The following TMX3 variants were observed in gnomAD, a reference collection of about 807,000 sequenced individuals.
The protein encoded by TMX3 is thioredoxin related transmembrane protein 3.
In TMX3, 40 loss-of-function variants were observed where a neutral mutation model predicts 64.4. The observed-to-expected ratio is 0.62, with a 90% CI of 0.48 to 0.81. The LOEUF (loss-of-function observed/expected upper bound fraction) is 0.81. TMX3 is among the 30% of genes least tolerant of loss of function. The pLI is 0.00. For missense variants in TMX3, 497 were observed against 534.5 expected, an observed-to-expected ratio of 0.93 and a Z score of 0.69; for synonymous variants, 189 against 175.7, an observed-to-expected ratio of 1.08 and a Z score of -0.60.
At chr18:68,705,044 C>T (rs545432897) in intron 4 of TMX3, among the ~76,000 whole-genome samples, 3 of 152,206 alleles carry the variant, frequency 2.0e-5, no homozygotes, top group African/African-American at 7.2e-5. Flanking sequence ...ATGTGTCTAA[C>T]ATGAAAAAGG....
rs894254835 is a variant in TMX3 at position 68,683,034 on chromosome 18, G to C, written c.849-53C>G. The C allele has an allele frequency of 3.4e-6, 5 of 1,491,570 alleles. No homozygotes were observed. In the African/African-American group the frequency reaches 5.6e-5, roughly 17 times the overall value. The allele number at this position is 1,491,570 out of a possible 1,614,324, so 92.4% of individuals were successfully genotyped here. ...AATAAAAGGAGAGGGGGTGGGGGGA[G>C]AGAGAGAGAGAAAGCTCATTAAATA... is the stretch of plus-strand genomic sequence containing the variant. On this transcript the variant is annotated intron_variant, in intron 12 of 15. Transcript: ENST00000299608.
At chr18:68,677,431 G>C (rs1913029770) in intron 15 of TMX3, among the ~76,000 whole-genome samples, 1 of 152,006 alleles carries the variant, frequency 6.6e-6, no homozygotes, top group African/African-American at 2.4e-5. Context: ...ACAGAAAAAG[G>C]CATCAAATAT....
chr18:68,679,415 G>T, intron 15 of TMX3, 48 bp downstream of exon 15: 3 of 1,472,054 alleles, frequency 2.0e-6, no homozygotes, highest in Non-Finnish European at 2.8e-6. Context: ...TAGACATAAA[G>T]AACCTATATC....
chr18:68,691,344 C>G lies in TMX3; in HGVS notation c.588G>C (p.Glu196Asp), dbSNP rs373605880. Residue 196 changes from glutamate (E) to aspartate (D), a missense_variant, in exon 9 of 16, where the codon GAG (glutamate) becomes GAC (aspartate). Transcript: ENST00000299608. ...EVVPEYVTLK[E>D]MPAVLVFKDE... ...CTTTGAAAACAAGCACAGCTGGCAT[C>G]TCTTTTAGTGTCACATACTGCAAAA... 3 of 1,570,400 alleles carry G rather than the reference C, an allele frequency of 1.9e-6. No homozygotes were observed. Among genetic ancestry groups the G allele is most frequent in the Admixed American group, 1.7e-5 (1 of 57,570 alleles).
intron 1 of TMX3, 34 bp from the exon 2 acceptor site, chr18:68,713,934 G>T (rs1177454742): frequency 4.8e-6 from 7 of 1,464,392 alleles, no homozygotes; most frequent in Non-Finnish European, 6.6e-6. Context: ...CACAATAAAT[G>T]CTGATTATTT....
At position 68,682,905 on chromosome 18, in the gene TMX3, T is replaced by C. The variant is rs780682967; in HGVS notation, c.905+20A>G. The C allele has an allele frequency of 1.3e-6, 2 of 1,581,340 alleles. No individual in the cohort carries two copies. Among genetic ancestry groups the C allele is most frequent in the Non-Finnish European group, 1.7e-6 (2 of 1,163,318 alleles). On this transcript the variant is annotated intron_variant, in intron 13 of 15. Transcript: ENST00000299608. ...AAAATTAATAGATTTGACAGCAAAA[T>C]CATTCAGCACTTTACTTACTCCATC...
At chr18:68,704,387 T>C (rs2030448057) in intron 4 of TMX3, among the ~76,000 whole-genome samples, 1 of 152,030 alleles carries the variant, frequency 6.6e-6, no homozygotes, top group South Asian at 2.1e-4. Flanking sequence ...GGTAACTCGT[T>C]TGAGAGCAAA....
In TMX3 at chr18:68,674,513, C is replaced by A. The variant is rs916326043; in HGVS notation, c.*2420G>T. On this transcript the variant is annotated 3_prime_UTR_variant, in exon 16 of 16. Transcript: ENST00000299608. ...AAGGACCCCATTATTCATATAGAAT[C>A]ATGACAAAATTTACCATGGAATTAG... The A allele has an allele frequency of 2.0e-5, 3 of 151,950 alleles. No individual in the cohort carries two copies. Among genetic ancestry groups the A allele is most frequent in the African/African-American group, 7.2e-5 (3 of 41,408 alleles). 9.4% of individuals were successfully genotyped at this position (151,950 alleles called of 1,614,324 possible). A position where few individuals can be genotyped will look rare whatever the true frequency, so the allele number is the denominator to read the frequency against.
intron 4 of TMX3, among the ~76,000 whole-genome samples, chr18:68,705,896 A>G (rs1225524941): frequency 6.6e-6 from 1 of 152,202 alleles, no homozygotes; most frequent in Non-Finnish European, 1.5e-5. Context: ...TTTGCTTCCA[A>G]CCACTGCAAT....
intron 2 of TMX3, 55 bp downstream of exon 2, chr18:68,713,785 TATTCAG>T (rs1220171004): frequency 2.4e-6 from 2 of 832,202 alleles, no homozygotes; most frequent in Non-Finnish European, 3.4e-6. Context: ...CACATGCAAA[TATTCAG>T]ATATCTGAGT....
chr18:68,685,853 G>A (rs567917382), intron 10 of TMX3, among the ~76,000 whole-genome samples: 14 of 152,136 alleles, frequency 9.2e-5, no homozygotes, highest in Non-Finnish European at 1.6e-4. Context: ...AGCAGTATTT[G>A]GTCTGAGTTT....
chr18:68,690,790 T>A (rs1027938011), intron 9 of TMX3, among the ~76,000 whole-genome samples: 2 of 152,210 alleles, frequency 1.3e-5, no homozygotes, highest in Admixed American at 1.3e-4. Context: ...TTTACTACGA[T>A]GTATGTTTGA....
At position 68,713,003 on chromosome 18, in the gene TMX3, TAAA is replaced by T. The variant is rs34191235; in HGVS notation, c.101+840_101+842del. On this transcript the variant is annotated intron_variant, in intron 2 of 15. Coordinates refer to ENST00000299608, the MANE Select transcript of TMX3 (RefSeq NM_019022.5). Reference sequence around the variant, plus strand: ...CTGTGACAGTGCAAGTCAAGAGGTTTAAAAAAAAAAAAAAAAAAAAGAGGCACC... The same window carrying T: ...CTGTGACAGTGCAAGTCAAGAGGTTTAAAAAAAAAAAAAAAAAGAGGCACC... Among the ~76,000 whole-genome samples, 191 of 122,264 alleles carry T rather than the reference TAAA, an allele frequency of 1.6e-3. 2 individuals are homozygous for T. The highest frequency in any genetic ancestry group is 5.3e-3 in the African/African-American group (176 of 33,508). 80.2% of individuals were successfully genotyped at this position (122,264 alleles called of 152,430 possible).
At chr18:68,704,612 T>C (rs2030480459) in intron 4 of TMX3, among the ~76,000 whole-genome samples, 1 of 152,206 alleles carries the variant, frequency 6.6e-6, no homozygotes, top group African/African-American at 2.4e-5. Context: ...ACTTTAAATT[T>C]TTTTATTCTT....
chr18:68,684,390 G>A, intron 11 of TMX3, 38 bp downstream of exon 11: 1 of 1,584,726 alleles, frequency 6.3e-7, no homozygotes, highest in Non-Finnish European at 8.7e-7. Context: ...AGTCTGAAAT[G>A]AACATTTGAA....
chr18:68,695,096 C>G (rs200684112), intron 8 of TMX3, among the ~76,000 whole-genome samples: 2 of 110,266 alleles, frequency 1.8e-5, no homozygotes, highest in Non-Finnish European at 3.5e-5. Context: ...TCTCCACTTT[C>G]TTACTTGCCA....
chr18:68,697,931 C>T lies in TMX3; in HGVS notation c.492+1G>A, dbSNP rs1274712044. 3 of 1,594,352 alleles carry T rather than the reference C, an allele frequency of 1.9e-6. No individual in the cohort carries two copies. The highest frequency in any genetic ancestry group is 1.7e-5 in the Admixed American group (1 of 59,290). On this transcript the variant is annotated splice_donor_variant, in intron 7 of 15. Coordinates refer to ENST00000299608, the MANE Select transcript of TMX3 (RefSeq NM_019022.5). LOFTEE classifies it high-confidence loss of function. Reference sequence around the variant, plus strand: ...TTTTGTGGATTAAAAAAAAGTCTTACTTTCAAAGGTGATTCTCCACCTACA... The same window carrying T: ...TTTTGTGGATTAAAAAAAAGTCTTATTTTCAAAGGTGATTCTCCACCTACA...
At chr18:68,680,950 C>T in intron 14 of TMX3, 31 bp downstream of exon 14, 2 of 1,541,064 alleles carry the variant, frequency 1.3e-6, no homozygotes, top group Non-Finnish European at 1.7e-6. Flanking sequence ...CCCTGTCCAT[C>T]ATCTCTTTGA....
chr18:68,714,817 T>C, intron 1 of TMX3, 119 bp downstream of exon 1: 1 of 1,336,466 alleles, frequency 7.5e-7, no homozygotes, highest in Non-Finnish European at 1.0e-6. Flanking sequence ...CTGCCGGGAA[T>C]GGGTGGGCAT....
Sources: allele counts gnomAD v4.1 joint callset (sites outside exome capture counted in the v4.1 genomes callset), GRCh38; gene constraint gnomAD v4.1.1; transcripts MANE v1.5; gene names NCBI Gene and HGNC (gene_info 2026-07-23, HGNC 2026-07-21).